Variants in FBXL13 observed in about 807,000 individuals in gnomAD.
FBXL13 encodes the protein F-box and leucine rich repeat protein 13.
A neutral mutation model predicts 83.6 loss-of-function variants in FBXL13; 67 were observed. The observed-to-expected ratio is 0.80, with a 90% confidence interval of 0.66 to 0.98. The LOEUF is 0.98. Ranked by LOEUF, FBXL13 falls within the 50% of genes least tolerant of loss-of-function variation. The probability of loss-of-function intolerance (pLI) is 0.00; values close to 1 mark genes in which losing one functional copy is unlikely to be tolerated. For synonymous variants in FBXL13, 272 were observed against 299.5 expected (o/e 0.91, Z 0.95); for missense variants, 822 against 866.5 (o/e 0.95, Z 0.64).
intron 19 of FBXL13, among the ~76,000 whole-genome samples, chr7:102,816,549 G>A (rs921781299): frequency 2.0e-5 from 3 of 152,182 alleles, no homozygotes; most frequent in Admixed American, 6.5e-5. Flanking sequence ...GCAAGTGGCT[G>A]CCAGAAGGTT....
At chr7:102,933,647 G>A in intron 8 of FBXL13, 1 of 242,682 alleles carries the variant, frequency 4.1e-6, no homozygotes, top group Non-Finnish European at 7.9e-6. Context: ...AAGAGGGGAA[G>A]GAGCTTTCTA....
chr7:102,895,364 G>A (rs1178441118), intron 11 of FBXL13, among the ~76,000 whole-genome samples: 1 of 152,180 alleles, frequency 6.6e-6, no homozygotes, highest in African/African-American at 2.4e-5. Flanking sequence ...ATGAAGAACA[G>A]GGGAGGCACC....
In FBXL13 at chr7:102,964,382, T is replaced by C. The variant is rs577787698; in HGVS notation, c.592-717A>G. Among the ~76,000 whole-genome samples the C allele has an allele frequency of 2.9e-3, 428 of 146,740 alleles. 3 individuals are homozygous for C. Among genetic ancestry groups the C allele is most frequent in the African/African-American group, 0.011 (421 of 38,878 alleles). On this transcript the variant is annotated intron_variant, in intron 7 of 19. Transcript: ENST00000313221. Reference sequence around the variant, plus strand: ...AAAGGTACTCCATAACTCCACACAATTTTGTGACTATATATATATATATTT... The same window carrying C: ...AAAGGTACTCCATAACTCCACACAACTTTGTGACTATATATATATATATTT...
intron 8 of FBXL13, among the ~76,000 whole-genome samples, chr7:102,962,992 T>A (rs1393149287): frequency 0.033 from 4,469 of 134,810 alleles, 153 homozygotes; most frequent in African/African-American, 0.11. Flanking sequence ...TAAAAATATA[T>A]ATATATATAT....
intron 17 of FBXL13, among the ~76,000 whole-genome samples, chr7:102,849,024 A>G (rs998916641): frequency 1.3e-5 from 2 of 152,176 alleles, no homozygotes; most frequent in African/African-American, 4.8e-5. Context: ...CAGAGTAAAT[A>G]ATTGGATTTA....
At position 102,834,115 on chromosome 7, in the gene FBXL13, AAAGAAAGAAAGAAAGAAAG is replaced by A. The variant is rs1416727564; in HGVS notation, c.1720-1160_1720-1142del. ...GAAAGAAAGAAAGAAAGAAAGAAAG[AAAGAAAGAAAGAAAGAAAG>A]AAAGAAAAGAGAAGACAAGAGAAAA... On this transcript the variant is annotated intron_variant, in intron 17 of 19. Transcript: ENST00000313221. Among the ~76,000 whole-genome samples, 34 of 116,020 alleles carry A rather than the reference AAAGAAAGAAAGAAAGAAAG, an allele frequency of 2.9e-4. 2 individuals carry two copies. The highest frequency in any genetic ancestry group is 9.4e-4 in the African/African-American group (22 of 23,318). 76.1% of individuals were successfully genotyped at this position (116,020 alleles called of 152,430 possible).
At chr7:102,859,379 C>A (rs1806487777) in intron 16 of FBXL13, among the ~76,000 whole-genome samples, 1 of 151,958 alleles carries the variant, frequency 6.6e-6, no homozygotes, top group South Asian at 2.1e-4. Context: ...TTTCAGGCAA[C>A]AGGATTCACT....
chr7:102,975,666 T>A (rs1440713935), intron 6 of FBXL13, among the ~76,000 whole-genome samples: 1 of 152,160 alleles, frequency 6.6e-6, no homozygotes, highest in Non-Finnish European at 1.5e-5. Flanking sequence ...TGAGAAAATA[T>A]ACCAACCTAG....
chr7:103,032,879 A>T (rs1794649200), intron 2 of FBXL13, among the ~76,000 whole-genome samples: 1 of 152,202 alleles, frequency 6.6e-6, no homozygotes, highest in African/African-American at 2.4e-5. Context: ...AAAATAAAAA[A>T]TTAGCGGGGT....
chr7:102,911,932 C>G (rs1814754674), intron 11 of FBXL13, among the ~76,000 whole-genome samples: 4 of 152,130 alleles, frequency 2.6e-5, no homozygotes, highest in African/African-American at 9.7e-5. Flanking sequence ...GCCCCAACTC[C>G]CTCCAGACCA....
rs1806249832 is a variant in FBXL13 at position 102,857,829 on chromosome 7, G to GA, written c.1636-2970dup. On this transcript the variant is annotated intron_variant, in intron 16 of 19. Transcript: ENST00000313221. ...ATAACAATGCTGGTGAGGATGCAGAGAAAAGAGAACTCCTATACACTGTTG... is the reference window on the plus strand; with the variant it reads ...ATAACAATGCTGGTGAGGATGCAGAGAAAAAGAGAACTCCTATACACTGTTG... 4 of 152,272 alleles carry GA rather than the reference G, an allele frequency of 2.6e-5. No individual in the cohort carries two copies. The South Asian group carries it at 8.3e-4, about 32-fold the overall frequency. The allele number at this position is 152,272 out of a possible 1,614,324, so 9.4% of individuals were successfully genotyped here.
chr7:102,892,366 C>T (rs1308484597), intron 11 of FBXL13, among the ~76,000 whole-genome samples: 2 of 152,110 alleles, frequency 1.3e-5, no homozygotes, highest in African/African-American at 2.4e-5. Flanking sequence ...TTTTAATTTT[C>T]ACTATGAACA....
intron 17 of FBXL13, among the ~76,000 whole-genome samples, chr7:102,849,172 C>T (rs1012833141): frequency 2.6e-5 from 4 of 152,166 alleles, no homozygotes; most frequent in African/African-American, 4.8e-5. Context: ...CTCAAGAAAA[C>T]GATTTCTTAA....
chr7:103,021,399 A>G (rs1379875402), intron 6 of FBXL13, among the ~76,000 whole-genome samples: 1 of 152,200 alleles, frequency 6.6e-6, no homozygotes, highest in Non-Finnish European at 1.5e-5. Flanking sequence ...AACCTAGGCA[A>G]TACCATTCAG....
chr7:102,830,043 T>C (rs1188563461), intron 18 of FBXL13, among the ~76,000 whole-genome samples: 3 of 152,192 alleles, frequency 2.0e-5, no homozygotes, highest in African/African-American at 2.4e-5. Context: ...TCTAAAATAA[T>C]TGACTCTTCC....
At chr7:102,855,171 T>C (rs1045608456) in intron 16 of FBXL13, among the ~76,000 whole-genome samples, 1 of 152,202 alleles carries the variant, frequency 6.6e-6, no homozygotes, top group African/African-American at 2.4e-5. Context: ...TGAATCAATA[T>C]AAACAAATCC....
intron 2 of FBXL13, among the ~76,000 whole-genome samples, chr7:103,039,894 G>A (rs769827977): frequency 1.2e-4 from 18 of 151,996 alleles, no homozygotes; most frequent in African/African-American, 1.5e-4. Context: ...AAAGACCATC[G>A]ATGCTATGAA....
At chr7:102,973,504 G>A in intron 6 of FBXL13, 1 of 763,124 alleles carries the variant, frequency 1.3e-6, no homozygotes, top group South Asian at 1.4e-5. Flanking sequence ...CGCCATTTTA[G>A]GCCTTAGCCT....
At chr7:102,971,582 G>A (rs542700922) in intron 6 of FBXL13, among the ~76,000 whole-genome samples, 86 of 111,904 alleles carry the variant, frequency 7.7e-4, no homozygotes, top group African/African-American at 2.7e-3. Context: ...CAATAAGAGC[G>A]AAACTCCGTC....
Sources: gnomAD v4.1 joint callset for allele counts (sites outside exome capture counted in the v4.1 genomes callset) on GRCh38, gnomAD v4.1.1 for gene constraint, MANE v1.5 for transcripts, NCBI Gene and HGNC (gene_info 2026-07-23, HGNC 2026-07-21) for gene names.